The following TMCO4 variants were observed in gnomAD, a reference collection of about 807,000 sequenced individuals.
The protein encoded by TMCO4 is transmembrane and coiled-coil domains 4.
Under a neutral mutation model 64.7 loss-of-function variants are expected in TMCO4, and 58 were observed. The ratio of observed to expected loss-of-function variants is 0.90; its 90% CI spans 0.73 to 1.12. The LOEUF (loss-of-function observed/expected upper bound fraction) is 1.12. Ranked by LOEUF, TMCO4 falls within the 50% of genes most tolerant of loss-of-function variation. TMCO4 has a pLI of 0.00. For synonymous variants in TMCO4, 325 were observed against 346.1 expected (o/e 0.94, Z 0.68); for missense variants, 780 against 825.9 (o/e 0.94, Z 0.68).
chr1:19,737,453 G>A lies in TMCO4; in HGVS notation c.1183C>T (p.Arg395Ter), dbSNP rs577785858. The change falls in exon 13 of 16, where the codon CGA becomes TGA. Residue 395 changes from arginine (R) to a stop codon, truncating the protein, a stop_gained. Transcript: ENST00000294543. LOFTEE classifies it high-confidence loss of function. ...AAGCCAATCAAGGTGACAGGTCGTC[G>A]CCCCTGAAGGGAAAAAGGACACAGG... ...AHILLSRQQGRRPVTLIGFSL... is the reference protein window; with the variant it reads ...AHILLSRQQG The A allele has an allele frequency of 5.0e-6, 8 of 1,613,764 alleles. No homozygotes were observed. The highest frequency in any genetic ancestry group is 3.3e-4 in the Middle Eastern group (2 of 5,984).
At chr1:19,708,917 A>G (rs2100667073) in intron 13 of TMCO4, among the ~76,000 whole-genome samples, 1 of 152,316 alleles carries the variant, frequency 6.6e-6, no homozygotes, top group Middle Eastern at 3.4e-3. Context: ...TAAGGTAGAA[A>G]CCAAGGAGGA....
chr1:19,746,386 A>AG, intron 9 of TMCO4, 70 bp downstream of exon 9: 1 of 1,589,476 alleles, frequency 6.3e-7, no homozygotes, highest in Non-Finnish European at 8.6e-7. Flanking sequence ...GGATCCAGGC[A>AG]TGTCCTTTTA....
intron 13 of TMCO4, among the ~76,000 whole-genome samples, chr1:19,704,508 T>C (rs2095292198): frequency 6.6e-6 from 1 of 152,208 alleles, no homozygotes; most frequent in Non-Finnish European, 1.5e-5. Flanking sequence ...CTCTGCTGTC[T>C]GCAATAACAA....
chr1:19,701,178 A>G (rs914353859), intron 13 of TMCO4: 13 of 177,980 alleles, frequency 7.3e-5, no homozygotes, highest in African/African-American at 3.3e-4. Flanking sequence ...TTTATTAATT[A>G]TTTATTTTTT....
In TMCO4 at chr1:19,700,760, G is replaced by C. The variant is rs749714982; in HGVS notation, c.1382+8C>G. On this transcript the variant is annotated splice_region_variant and intron_variant, in intron 14 of 15. Coordinates refer to ENST00000294543, the MANE Select transcript of TMCO4 (RefSeq NM_181719.7). ...TCACTTCCCCGCTGGCACGAGGTTT[G>C]GACAGACCTGCAGTAGCCGTTGATG... The C allele has an allele frequency of 3.7e-6, 6 of 1,612,010 alleles. No homozygotes were observed. Among genetic ancestry groups the C allele is most frequent in the East Asian group, 4.5e-5 (2 of 44,860 alleles).
intron 13 of TMCO4, among the ~76,000 whole-genome samples, chr1:19,716,915 C>T (rs973991170): frequency 1.2e-4 from 18 of 152,066 alleles, no homozygotes; most frequent in African/African-American, 2.7e-4. Context: ...GGGCCGGGCG[C>T]GGTGGCTCAA....
chr1:19,760,442 C>T (rs1034296485), intron 6 of TMCO4, among the ~76,000 whole-genome samples: 37 of 152,292 alleles, frequency 2.4e-4, no homozygotes, highest in African/African-American at 8.7e-4. Context: ...CTTTTTGAGA[C>T]AGGGTCTCAC....
chr1:19,706,137 C>G (rs1335932602), intron 13 of TMCO4, among the ~76,000 whole-genome samples: 1 of 152,140 alleles, frequency 6.6e-6, no homozygotes, highest in Non-Finnish European at 1.5e-5. Flanking sequence ...CTCCTGGACT[C>G]AGGTAATCCT....
At chr1:19,774,791 A>G (rs1329737127) in intron 4 of TMCO4, among the ~76,000 whole-genome samples, 2 of 150,722 alleles carry the variant, frequency 1.3e-5, no homozygotes, top group Non-Finnish European at 2.9e-5. Context: ...CCCATGAGGA[A>G]GGGAGGTACT....
chr1:19,715,856 A>G (rs2095353288), intron 13 of TMCO4, among the ~76,000 whole-genome samples: 2 of 152,198 alleles, frequency 1.3e-5, no homozygotes, highest in Admixed American at 1.3e-4. Flanking sequence ...GCTTCCTACA[A>G]TGCCATTCCC....
Position 19,694,419 on chromosome 1 carries a change from C to A in TMCO4, c.1500+15G>T, listed in dbSNP as rs769211147. On this transcript the variant is annotated intron_variant, in intron 15 of 15. Coordinates refer to ENST00000294543, the MANE Select transcript of TMCO4 (RefSeq NM_181719.7). ...AGCAAACGCAAAGCCCCAGGAGGAA[C>A]AGGCCGACACTCACCACAGAGGTCA... is the stretch of plus-strand genomic sequence containing the variant. The A allele has an allele frequency of 1.2e-6, 2 of 1,607,978 alleles. No individual in the cohort carries two copies. Among genetic ancestry groups the A allele is most frequent in the Non-Finnish European group, 8.5e-7 (1 of 1,175,414 alleles).
chr1:19,694,527 C>T lies in TMCO4; in HGVS notation c.1407G>A (p.Val469=). The change falls in exon 15 of 16, where the codon GTG becomes GTA. Residue 469 remains valine, a synonymous_variant. Transcript: ENST00000294543. ...YCRGDWLLSF[V]YRTSSVQLRV... ...GGAGCTGCACCGAGGATGTGCGGTA[C>T]ACGAAACTCAGCAGCCAGTCTCCCC... The T allele has an allele frequency of 6.2e-7, 1 of 1,614,058 alleles. No homozygotes were observed.
intron 14 of TMCO4, among the ~76,000 whole-genome samples, chr1:19,695,619 T>C (rs546327663): frequency 1.3e-5 from 2 of 152,296 alleles, no homozygotes; most frequent in African/African-American, 4.8e-5. Context: ...CTGGTGGCCC[T>C]GTCTATGTGC....
At chr1:19,736,311 C>T (rs1407135016) in intron 13 of TMCO4, among the ~76,000 whole-genome samples, 1 of 152,124 alleles carries the variant, frequency 6.6e-6, no homozygotes, top group African/African-American at 2.4e-5. Context: ...GGGGAAAACC[C>T]ACCCCCCTGA....
In TMCO4 at chr1:19,713,104, G is replaced by A. The variant is rs571047980; in HGVS notation, c.1265-12219C>T. Among the ~76,000 whole-genome samples, 17 of 152,276 alleles carry A rather than the reference G, an allele frequency of 1.1e-4. No homozygotes were observed. In the East Asian group the frequency reaches 2.3e-3, roughly 21 times the overall value. The stretch of plus-strand genomic sequence containing the variant: ...CCTAGGTTTGAAAATGGCATGATGC[G>A]ATTTCCTGTGCCTTCTATGGGCCAA... On this transcript the variant is annotated intron_variant, in intron 13 of 15. Transcript: ENST00000294543.
chr1:19,756,356 A>G (rs10917532), intron 6 of TMCO4, among the ~76,000 whole-genome samples: 27,499 of 152,156 alleles, frequency 0.18, 2,723 homozygotes, highest in East Asian at 0.39. Context: ...GCCCAAAGAC[A>G]TTGCTGGTGG....
chr1:19,730,126 GC>G (rs1291530720), intron 13 of TMCO4, among the ~76,000 whole-genome samples: 2 of 152,206 alleles, frequency 1.3e-5, no homozygotes, highest in Non-Finnish European at 2.9e-5. Context: ...GCATTTACTG[GC>G]CCCTCCTTCA....
intron 9 of TMCO4, among the ~76,000 whole-genome samples, chr1:19,745,990 G>C (rs1421369097): frequency 6.6e-6 from 1 of 152,160 alleles, no homozygotes; most frequent in Non-Finnish European, 1.5e-5. Flanking sequence ...TAGTAACAGT[G>C]AATCAAACAG....
At chr1:19,773,244 T>A (rs1367241804) in intron 4 of TMCO4, among the ~76,000 whole-genome samples, 1 of 152,032 alleles carries the variant, frequency 6.6e-6, no homozygotes, top group African/African-American at 2.4e-5. Flanking sequence ...ACTGTTACGG[T>A]CGGGTTCCTG....
Sources: gnomAD v4.1 joint callset for allele counts (sites outside exome capture counted in the v4.1 genomes callset) on GRCh38, gnomAD v4.1.1 for gene constraint, MANE v1.5 for transcripts, NCBI Gene and HGNC (gene_info 2026-07-23, HGNC 2026-07-21) for gene names.